The following SUPT3H variants were observed in gnomAD, a reference collection of about 807,000 sequenced individuals.
The protein encoded by SUPT3H is transcription initiation protein SPT3 homolog.
A neutral mutation model predicts 44.3 loss-of-function variants in SUPT3H; 44 were observed. The ratio of observed to expected loss-of-function variants is 0.99; its 90% CI spans 0.78 to 1.28. The LOEUF (loss-of-function observed/expected upper bound fraction) is 1.28, where lower values mean the gene tolerates loss of function less well. Ranked by LOEUF, SUPT3H falls within the 50% of genes most tolerant of loss-of-function variation. The pLI is 0.00. For synonymous variants in SUPT3H, 124 were observed against 125.6 expected, an observed-to-expected ratio of 0.99 and a Z score of 0.09; for missense variants, 380 against 387.1, an observed-to-expected ratio of 0.98 and a Z score of 0.15.
At chr6:45,312,691 G>T (rs1370437196) in intron 2 of SUPT3H, among the ~76,000 whole-genome samples, 1 of 133,440 alleles carries the variant, frequency 7.5e-6, no homozygotes, top group Non-Finnish European at 1.6e-5. Flanking sequence ...GTGGGGGGGG[G>T]GGGGGACTTC....
chr6:45,168,084 T>C (rs1810195101), intron 2 of SUPT3H, among the ~76,000 whole-genome samples: 3 of 152,180 alleles, frequency 2.0e-5, no homozygotes. Flanking sequence ...GTGCTGGGAT[T>C]ACAGGTGTGA....
At chr6:45,132,269 T>C (rs1803590147) in intron 2 of SUPT3H, among the ~76,000 whole-genome samples, 1 of 152,218 alleles carries the variant, frequency 6.6e-6, no homozygotes, top group African/African-American at 2.4e-5. Context: ...AGAGAGGAAG[T>C]GTTGCTTTGT....
chr6:44,930,014 G>A (rs1027597790), intron 10 of SUPT3H, among the ~76,000 whole-genome samples: 1 of 152,040 alleles, frequency 6.6e-6, no homozygotes, highest in Non-Finnish European at 1.5e-5. Context: ...TTGCGAGGCC[G>A]AGGTGGGTGG....
chr6:45,058,765 C>T (rs1433859717), intron 3 of SUPT3H, among the ~76,000 whole-genome samples: 6 of 152,220 alleles, frequency 3.9e-5, no homozygotes, highest in Middle Eastern at 6.8e-3. Context: ...AAACTCACTA[C>T]GCATTATTTA....
intron 3 of SUPT3H, among the ~76,000 whole-genome samples, chr6:45,069,228 T>G (rs932771238): frequency 6.6e-6 from 1 of 152,146 alleles, no homozygotes; most frequent in Non-Finnish European, 1.5e-5. Flanking sequence ...AATAACAGTA[T>G]AAACCAATTG....
intron 2 of SUPT3H, among the ~76,000 whole-genome samples, chr6:45,243,314 T>C (rs1770736672): frequency 1.4e-5 from 2 of 142,816 alleles, no homozygotes; most frequent in African/African-American, 2.7e-5. Context: ...TTCTATAGCA[T>C]AAAAAATATA....
chr6:44,868,218 C>T (rs1017023736), intron 10 of SUPT3H, among the ~76,000 whole-genome samples: 1 of 152,150 alleles, frequency 6.6e-6, no homozygotes, highest in African/African-American at 2.4e-5. Flanking sequence ...TACAAGAAGC[C>T]ACAGGAGCTG....
chr6:45,019,091 A>G (rs915875482), intron 4 of SUPT3H, among the ~76,000 whole-genome samples: 5 of 152,038 alleles, frequency 3.3e-5, no homozygotes, highest in Admixed American at 6.6e-5. Flanking sequence ...TGTATCTGTC[A>G]AGGAATTTAT....
chr6:45,078,729 C>A (rs1052642866), intron 3 of SUPT3H, among the ~76,000 whole-genome samples: 1 of 151,970 alleles, frequency 6.6e-6, no homozygotes, highest in African/African-American at 2.4e-5. Flanking sequence ...TGTTTGTTTT[C>A]CTTCCTTTCC....
intron 6 of SUPT3H, among the ~76,000 whole-genome samples, chr6:44,999,901 T>C (rs946994117): frequency 3.9e-5 from 6 of 152,036 alleles, no homozygotes; most frequent in Non-Finnish European, 8.8e-5. Context: ...CTGAAATTAA[T>C]ACTGTAACCC....
intron 6 of SUPT3H, among the ~76,000 whole-genome samples, chr6:44,977,509 A>G (rs901612101): frequency 1.3e-5 from 2 of 152,176 alleles, no homozygotes; most frequent in African/African-American, 4.8e-5. Context: ...AACTTCAAAA[A>G]TAGTACAGAG....
chr6:45,315,239 G>A (rs192151043), intron 2 of SUPT3H, among the ~76,000 whole-genome samples: 224 of 152,026 alleles, frequency 1.5e-3, no homozygotes, highest in African/African-American at 5.2e-3. Flanking sequence ...AGGATTCCAT[G>A]ACCAAAAACC....
intron 9 of SUPT3H, among the ~76,000 whole-genome samples, chr6:44,938,266 G>T (rs1467546626): frequency 6.6e-6 from 1 of 151,982 alleles, no homozygotes; most frequent in African/African-American, 2.4e-5. Flanking sequence ...ATAAGAGATA[G>T]GGGACCAGTT....
intron 5 of SUPT3H, among the ~76,000 whole-genome samples, chr6:45,013,006 A>C (rs1175346152): frequency 1.3e-5 from 2 of 151,870 alleles, no homozygotes; most frequent in Non-Finnish European, 2.9e-5. Flanking sequence ...CTCCCTATTA[A>C]GTTTCTGGCT....
intron 2 of SUPT3H, among the ~76,000 whole-genome samples, chr6:45,292,805 C>A (rs1780531200): frequency 6.7e-6 from 1 of 149,412 alleles, no homozygotes; most frequent in Admixed American, 6.7e-5. Context: ...AAAATACATG[C>A]ACCTGACACT....
chr6:45,145,150 A>G lies in SUPT3H; in HGVS notation c.102-39144T>C, dbSNP rs1805836209. On this transcript the variant is annotated intron_variant, in intron 2 of 10. Transcript: ENST00000371459. ...TCAAAATACCAACATCATTTTTCAC[A>G]GATCTAGAAAAAACAATCCTAAAAT... Among the ~76,000 whole-genome samples the G allele has an allele frequency of 2.6e-5, 4 of 152,144 alleles. No homozygotes were observed. In the South Asian group the frequency reaches 6.2e-4, roughly 24 times the overall value.
At chr6:45,227,408 A>C (rs1381429434) in intron 2 of SUPT3H, among the ~76,000 whole-genome samples, 1 of 152,166 alleles carries the variant, frequency 6.6e-6, no homozygotes, top group African/African-American at 2.4e-5. Flanking sequence ...ATTATGTTTA[A>C]CTTATTTAAC....
intron 2 of SUPT3H, among the ~76,000 whole-genome samples, chr6:45,178,828 C>G (rs1044397755): frequency 1.3e-5 from 2 of 151,862 alleles, no homozygotes; most frequent in African/African-American, 4.8e-5. Flanking sequence ...GGGTACATAA[C>G]GAAATGAAGG....
At chr6:44,856,204 G>C (rs1273483235) in intron 10 of SUPT3H, among the ~76,000 whole-genome samples, 2 of 152,164 alleles carry the variant, frequency 1.3e-5, no homozygotes, top group Non-Finnish European at 2.9e-5. Context: ...GAATGAATAA[G>C]TGAAAAGGGA....
Sources: allele counts gnomAD v4.1 joint callset (sites outside exome capture counted in the v4.1 genomes callset), GRCh38; gene constraint gnomAD v4.1.1; transcripts MANE v1.5; gene names NCBI Gene and HGNC (gene_info 2026-07-23, HGNC 2026-07-21).